The following NKX3-2 variants were observed in gnomAD, a reference collection of about 807,000 sequenced individuals.
NKX3-2 encodes the protein homeobox protein Nkx-3.2.
Under a neutral mutation model 19.4 loss-of-function variants are expected in NKX3-2, and 13 were observed. That is an observed-to-expected ratio of 0.67 (90% confidence interval 0.44 to 1.07). The LOEUF is 1.07. NKX3-2 is among the 50% of genes least tolerant of loss of function. The pLI, the probability that NKX3-2 is intolerant of heterozygous loss-of-function variation, is 0.00. For missense variants in NKX3-2, 562 were observed against 488.2 expected, an observed-to-expected ratio of 1.15 and a Z score of -1.42; for synonymous variants, 269 against 230.5, an observed-to-expected ratio of 1.17 and a Z score of -1.51.
At position 13,544,457 on chromosome 4, in the gene NKX3-2, G is replaced by C; in HGVS notation, c.-43C>G. On this transcript the variant is annotated 5_prime_UTR_variant, in exon 1 of 2. Transcript: ENST00000382438. Reference sequence around the variant, plus strand: ...GCGGCCGGCGGGGCGGGCAGCTGGGGCGCCGAGCAGCTCCGAGCGGGACAG... The same window carrying C: ...GCGGCCGGCGGGGCGGGCAGCTGGGCCGCCGAGCAGCTCCGAGCGGGACAG... 1 of 1,410,846 alleles carries C rather than the reference G, an allele frequency of 7.1e-7. No individual in the cohort carries two copies. The highest frequency in any genetic ancestry group is 9.3e-7 in the Non-Finnish European group (1 of 1,077,948). The allele number at this position is 1,410,846 out of a possible 1,614,324, so 87.4% of individuals were successfully genotyped here.
chr4:13,544,403 G>A lies in NKX3-2; in HGVS notation c.12C>T (p.Arg4=), dbSNP rs1718074752. MAV[R]GANTLTSFSI... ...AGAAGGACGTCAAGGTGTTGGCGCC[G>A]CGCACAGCCATCTGCGCCGCGGGCA... Residue 4 remains arginine (R), a synonymous_variant, in exon 1 of 2, where the codon CGC becomes CGT. Transcript: ENST00000382438. The A allele has an allele frequency of 1.3e-6, 2 of 1,533,690 alleles. No homozygotes were observed. The highest frequency in any genetic ancestry group is 1.4e-5 in the African/African-American group (1 of 70,300).
At position 13,542,392 on chromosome 4, in the gene NKX3-2, C is replaced by T; in HGVS notation, c.603G>A (p.Ala201=). The change falls in exon 2 of 2, where the codon GCG becomes GCA. Residue 201 remains alanine (A), a synonymous_variant. Coordinates refer to ENST00000382438, the MANE Select transcript of NKX3-2 (RefSeq NM_001189.4). This position sits in a 1 kb window ranked among gnomAD's most constrained non-coding sequence, Gnocchi z 6.4. Reference sequence around the variant, plus strand: ...GCGAGCGCTTCTTGCGTGGCTTGGGCGCCGCCGGCTCCTCCTCCTCCTCCG... The same window carrying T: ...GCGAGCGCTTCTTGCGTGGCTTGGGTGCCGCCGGCTCCTCCTCCTCCTCCG... ...GVAEEEEEPA[A]PKPRKKRSRA... is the part of the protein sequence containing the mutation. 1.3e-6 allele frequency: 2 copies of T among 1,505,012 alleles called. No homozygotes were observed. The highest frequency in any genetic ancestry group is 4.6e-5 in the Admixed American group (2 of 43,884). The allele number at this position is 1,505,012 out of a possible 1,614,324, so 93.2% of individuals were successfully genotyped here. A position where few individuals can be genotyped will look rare whatever the true frequency, so the allele number is the denominator to read the frequency against.
chr4:13,545,355 A>C (rs1031904318), upstream of NKX3-2, among the ~76,000 whole-genome samples: 1 of 152,258 alleles, frequency 6.6e-6, no homozygotes, highest in African/African-American at 2.4e-5. Flanking sequence ...AAGTTGAGTC[A>C]AATCTGCGGA....
At chr4:13,546,384 G>A (rs1718133993), upstream of NKX3-2, 1 of 158,078 alleles carries the variant, frequency 6.3e-6, no homozygotes, top group Non-Finnish European at 1.4e-5. Flanking sequence ...AGTTTTGAAG[G>A]AACGCCATTT....
chr4:13,541,957 GC>G lies in NKX3-2; in HGVS notation c.*35del. On this transcript the variant is annotated 3_prime_UTR_variant, in exon 2 of 2. Transcript: ENST00000382438. ...CTGTCAGCGCCGGTCCGGAGCCGGA[GC>G]GCGGGAATCACTCGCTGCCTCAGCC... The G allele has an allele frequency of 1.3e-6, 2 of 1,555,236 alleles. No individual in the cohort carries two copies. The highest frequency in any genetic ancestry group is 1.7e-6 in the Non-Finnish European group (2 of 1,150,204).
rs943347734 is a variant in NKX3-2 at position 13,540,871 on chromosome 4, G to A, written c.*1122C>T. 6.6e-6 allele frequency: 1 copy of A among 152,206 alleles called. No individual in the cohort carries two copies. Among genetic ancestry groups the A allele is most frequent in the African/African-American group, 2.4e-5 (1 of 41,454 alleles). 9.4% of individuals were successfully genotyped at this position (152,206 alleles called of 1,614,324 possible). A position where few individuals can be genotyped will look rare whatever the true frequency, so the allele number is the denominator to read the frequency against. The stretch of plus-strand genomic sequence containing the variant: ...GTTTATAAATTAAAGAAAAAATACA[G>A]CGAATAGAGCTTCCAAACTTCACAA... On this transcript the variant is annotated 3_prime_UTR_variant, in exon 2 of 2. Coordinates refer to ENST00000382438, the MANE Select transcript of NKX3-2 (RefSeq NM_001189.4).
Position 13,542,400 on chromosome 4 carries a change from GCTCCTC to G in NKX3-2, c.589_594del (p.Glu197_Glu198del). On this transcript the variant is annotated inframe_deletion, in exon 2 of 2. Coordinates refer to ENST00000382438, the MANE Select transcript of NKX3-2 (RefSeq NM_001189.4). The surrounding 1 kb of genome is among the most constrained non-coding windows in gnomAD (Gnocchi z 6.4). ...TTCTTGCGTGGCTTGGGCGCCGCCG[GCTCCTC>G]CTCCTCCTCCGCGACGCCTGCCGGC... 1 of 1,510,772 alleles carries G rather than the reference GCTCCTC, an allele frequency of 6.6e-7. No individual in the cohort carries two copies. Among genetic ancestry groups the G allele is most frequent in the South Asian group, 1.3e-5 (1 of 79,482 alleles). The allele number at this position is 1,510,772 out of a possible 1,614,324, so 93.6% of individuals were successfully genotyped here. A position where few individuals can be genotyped will look rare whatever the true frequency, so the allele number is the denominator to read the frequency against.
upstream of NKX3-2, among the ~76,000 whole-genome samples, chr4:13,545,755 G>GT (rs1010613306): frequency 2.6e-5 from 4 of 151,594 alleles, no homozygotes; most frequent in Admixed American, 6.6e-5. Context: ...CTTTCAATTT[G>GT]TTTTTTTTAA....
chr4:13,542,350 G>T lies in NKX3-2; in HGVS notation c.645C>A (p.His215Gln). 1.3e-6 allele frequency: 2 copies of T among 1,545,898 alleles called. No individual in the cohort carries two copies. The highest frequency in any genetic ancestry group is 1.8e-4 in the Middle Eastern group (1 of 5,576). ...GGCGCTCCAGCTCGAAGACCTGCGCGTGGGAGAAAGCGGCCCGCGAGCGCT... is the reference window on the plus strand; with the variant it reads ...GGCGCTCCAGCTCGAAGACCTGCGCTTGGGAGAAAGCGGCCCGCGAGCGCT... ...RKKRSRAAFS[H>Q]AQVFELERRF... Residue 215 changes from histidine to glutamine, a missense_variant, in exon 2 of 2, where the codon CAC becomes CAA. By Grantham distance (24) the His-to-Gln change is conservative (BLOSUM62 0). Coordinates refer to ENST00000382438, the MANE Select transcript of NKX3-2 (RefSeq NM_001189.4). This position sits in a 1 kb window ranked among gnomAD's most constrained non-coding sequence, Gnocchi z 6.4.
At position 13,544,462 on chromosome 4, in the gene NKX3-2, G is replaced by A. The variant is rs774661940; in HGVS notation, c.-48C>T. On this transcript the variant is annotated 5_prime_UTR_variant, in exon 1 of 2. Transcript: ENST00000382438. ...CGGCGGGGCGGGCAGCTGGGGCGCC[G>A]AGCAGCTCCGAGCGGGACAGAGAGC... 11 of 1,354,324 alleles carry A rather than the reference G, an allele frequency of 8.1e-6. No individual in the cohort carries two copies. The highest frequency in any genetic ancestry group is 1.5e-5 in the African/African-American group (1 of 64,760). 83.9% of individuals were successfully genotyped at this position (1,354,324 alleles called of 1,614,324 possible). A position where few individuals can be genotyped will look rare whatever the true frequency, so the allele number is the denominator to read the frequency against.
chr4:13,542,110 G>A lies in NKX3-2; in HGVS notation c.885C>T (p.Pro295=), dbSNP rs1275307336. The A allele has an allele frequency of 5.6e-6, 9 of 1,607,594 alleles. No individual in the cohort carries two copies. The highest frequency in any genetic ancestry group is 1.7e-5 in the Admixed American group (1 of 59,754). ...LVRDDQRQYL[P]GEVLRPPSLL... Reference sequence around the variant, plus strand: ...GCGAGGGTGGCCGCAGCACTTCGCCGGGCAGGTATTGTCTCTGGTCGTCGC... The same window carrying A: ...GCGAGGGTGGCCGCAGCACTTCGCCAGGCAGGTATTGTCTCTGGTCGTCGC... The change falls in exon 2 of 2, where the codon CCC becomes CCT. Residue 295 remains proline, a synonymous_variant. Transcript: ENST00000382438. The surrounding 1 kb of genome is among the most constrained non-coding windows in gnomAD (Gnocchi z 6.4).
rs751884954 is a variant in NKX3-2, at chr4:13,542,273, G to A, written c.722C>T (p.Ala241Val). The change falls in exon 2 of 2, where the codon GCG (alanine) becomes GTG (valine). Residue 241 changes from alanine (A) to valine (V), a missense_variant. Ala to Val is a moderately conservative substitution (Grantham distance 64). Transcript: ENST00000382438. This position sits in a 1 kb window ranked among gnomAD's most constrained non-coding sequence, Gnocchi z 6.4. ...LSGPERADLAASLKLTETQVK... is the reference protein window; with the variant it reads ...LSGPERADLAVSLKLTETQVK... ...CTGCGTCTCGGTGAGCTTCAGCGAC[G>A]CGGCCAGGTCTGCGCGCTCGGGCCC... 6.8e-6 allele frequency: 11 copies of A among 1,610,414 alleles called. No homozygotes were observed. Among genetic ancestry groups the A allele is most frequent in the Non-Finnish European group, 9.3e-6 (11 of 1,179,134 alleles).
At position 13,542,648 on chromosome 4, in the gene NKX3-2, C is replaced by A; in HGVS notation, c.467-120G>T. ...GAAATACACTTTGATCCCACTCAAG[C>A]GGAGCGGAGGTCTGGGAGGCCCTGG... On this transcript the variant is annotated intron_variant, in intron 1 of 1. Transcript: ENST00000382438. This position sits in a 1 kb window ranked among gnomAD's most constrained non-coding sequence, Gnocchi z 6.4. 3 of 1,349,640 alleles carry A rather than the reference C, an allele frequency of 2.2e-6. No individual in the cohort carries two copies. In the South Asian group the frequency reaches 3.6e-5, roughly 16 times the overall value. The allele number at this position is 1,349,640 out of a possible 1,614,324, so 83.6% of individuals were successfully genotyped here. A position where few individuals can be genotyped will look rare whatever the true frequency, so the allele number is the denominator to read the frequency against.
Position 13,541,930 on chromosome 4 carries a change from A to C in NKX3-2, c.*63T>G. The C allele has an allele frequency of 6.5e-7, 1 of 1,547,130 alleles. No homozygotes were observed. The highest frequency in any genetic ancestry group is 8.7e-7 in the Non-Finnish European group (1 of 1,146,022). ...GCGCCCCGTGCAGGCTACAGCCTAC[A>C]GCTGTCAGCGCCGGTCCGGAGCCGG... On this transcript the variant is annotated 3_prime_UTR_variant, in exon 2 of 2. Coordinates refer to ENST00000382438, the MANE Select transcript of NKX3-2 (RefSeq NM_001189.4).
At position 13,541,672 on chromosome 4, in the gene NKX3-2, C is replaced by A. The variant is rs1022161361; in HGVS notation, c.*321G>T. The A allele has an allele frequency of 6.4e-6, 2 of 314,764 alleles. No homozygotes were observed. The highest frequency in any genetic ancestry group is 1.4e-4 in the South Asian group (2 of 14,326). The allele number at this position is 314,764 out of a possible 1,614,324, so 19.5% of individuals were successfully genotyped here. On this transcript the variant is annotated 3_prime_UTR_variant, in exon 2 of 2. Coordinates refer to ENST00000382438, the MANE Select transcript of NKX3-2 (RefSeq NM_001189.4). ...GAGTTGCCGCTCAGGGAAAACCCCA[C>A]CCCCAGGCAGACATATTCGAATCAA...
upstream of NKX3-2, chr4:13,546,904 T>C: frequency 2.2e-6 from 1 of 456,038 alleles, no homozygotes; most frequent in Non-Finnish European, 4.4e-6. Flanking sequence ...CGACTTTGAG[T>C]TGTCGGGTAT....
Position 13,542,384 on chromosome 4 carries a change from G to A in NKX3-2, c.611C>T (p.Pro204Leu). 5 of 1,509,666 alleles carry A rather than the reference G, an allele frequency of 3.3e-6. No individual in the cohort carries two copies. Among genetic ancestry groups the A allele is most frequent in the Non-Finnish European group, 3.5e-6 (4 of 1,135,344 alleles). The allele number at this position is 1,509,666 out of a possible 1,614,324, so 93.5% of individuals were successfully genotyped here. The change falls in exon 2 of 2, where the codon CCA becomes CTA. Residue 204 changes from proline (P) to leucine (L), a missense_variant. Coordinates refer to ENST00000382438, the MANE Select transcript of NKX3-2 (RefSeq NM_001189.4). This position sits in a 1 kb window ranked among gnomAD's most constrained non-coding sequence, Gnocchi z 6.4. ...AGCGGCCCGCGAGCGCTTCTTGCGT[G>A]GCTTGGGCGCCGCCGGCTCCTCCTC... ...EEEEEPAAPKPRKKRSRAAFS... is the reference protein window; with the variant it reads ...EEEEEPAAPKLRKKRSRAAFS...
rs569217121 is a variant in NKX3-2 at position 13,543,441 on chromosome 4, A to T, written c.466+508T>A. On this transcript the variant is annotated intron_variant, in intron 1 of 1. Coordinates refer to ENST00000382438, the MANE Select transcript of NKX3-2 (RefSeq NM_001189.4). This position sits in a 1 kb window ranked among gnomAD's most constrained non-coding sequence, Gnocchi z 7.1. ...AAACCAGCCCTTTCCCCAAAGCTCT[A>T]GTTCTGCAGATTCTCAGCTCTGGCC... 2.0e-5 allele frequency among the ~76,000 whole-genome samples: 3 copies of T among 152,144 alleles called. No homozygotes were observed. Among genetic ancestry groups the T allele is most frequent in the African/African-American group, 7.2e-5 (3 of 41,436 alleles).
At chr4:13,547,109 G>A (rs1718149178), upstream of NKX3-2, 1 of 456,236 alleles carries the variant, frequency 2.2e-6, no homozygotes. Context: ...GCTGCAACTA[G>A]AAGCTGCTCC....
Sources: allele counts gnomAD v4.1 joint callset (sites outside exome capture counted in the v4.1 genomes callset), GRCh38; gene constraint gnomAD v4.1.1; non-coding constraint Gnocchi (gnomAD v3.1); transcripts MANE v1.5; gene names NCBI Gene and HGNC (gene_info 2026-07-23, HGNC 2026-07-21).